Variants in TOGARAM2 observed in about 807,000 individuals in gnomAD.
The protein encoded by TOGARAM2 is TOG array regulator of axonemal microtubules protein 2.
Under a neutral mutation model 93.3 loss-of-function variants are expected in TOGARAM2, and 85 were observed. The ratio of observed to expected loss-of-function variants is 0.91; its 90% CI spans 0.76 to 1.09. TOGARAM2 has a LOEUF of 1.09. Among genes scored for constraint, TOGARAM2 ranks in the 50% least tolerant of loss-of-function variants. The pLI, the probability that TOGARAM2 is intolerant of heterozygous loss-of-function variation, is 0.00. For synonymous variants in TOGARAM2, 593 were observed against 552.8 expected (o/e 1.07, Z -1.02); for missense variants, 1,277 against 1,334.5 (o/e 0.96, Z 0.67).
At chr2:29,030,838 C>T (rs531081528) in intron 14 of TOGARAM2, among the ~76,000 whole-genome samples, 5 of 152,316 alleles carry the variant, frequency 3.3e-5, no homozygotes, top group South Asian at 4.2e-4. Context: ...GACCCTTCTT[C>T]GAGCATCAGT....
At chr2:28,992,744 T>C (rs1672796549) in intron 1 of TOGARAM2, among the ~76,000 whole-genome samples, 1 of 152,184 alleles carries the variant, frequency 6.6e-6, no homozygotes. Context: ...CAGTGATTTT[T>C]TGATCCTGTC....
chr2:29,005,192 T>C (rs542100682), intron 6 of TOGARAM2, among the ~76,000 whole-genome samples: 6 of 66,590 alleles, frequency 9.0e-5, no homozygotes, highest in Admixed American at 8.4e-4. Flanking sequence ...GTGTGCAGTG[T>C]GTGTGTGCAT....
intron 6 of TOGARAM2, among the ~76,000 whole-genome samples, chr2:29,004,450 G>A (rs1350033806): frequency 6.6e-6 from 1 of 152,204 alleles, no homozygotes. Context: ...CAAACAAGTG[G>A]GGAAGAGGAT....
At position 28,960,972 on chromosome 2, in the gene TOGARAM2, C is replaced by T. The variant is rs114792317; in HGVS notation, c.-147+4275C>T. Among the ~76,000 whole-genome samples, 490 of 152,272 alleles carry T rather than the reference C, an allele frequency of 3.2e-3. 6 individuals are homozygous for T. Among genetic ancestry groups the T allele is most frequent in the African/African-American group, 0.011 (440 of 41,548 alleles). ...AAAGGTGATGCTGTATACTTCATAC[C>T]GGAACACACCAAGAGGCAAGATAAT... On this transcript the variant is annotated intron_variant, in intron 1 of 6. Transcript: ENST00000401723.
At chr2:29,006,530 C>A (rs1663887735) in intron 6 of TOGARAM2, among the ~76,000 whole-genome samples, 1 of 152,024 alleles carries the variant, frequency 6.6e-6, no homozygotes, top group Non-Finnish European at 1.5e-5. Flanking sequence ...ATGGGCCTGG[C>A]TCCTTCAGTA....
intron 1 of TOGARAM2, among the ~76,000 whole-genome samples, chr2:28,969,619 T>C (rs1671916213): frequency 6.6e-6 from 1 of 152,152 alleles, no homozygotes; most frequent in African/African-American, 2.4e-5. Flanking sequence ...GAATCTAGAC[T>C]CCAGCTTCCT....
At chr2:29,002,966 G>A (rs946036728) in intron 5 of TOGARAM2, among the ~76,000 whole-genome samples, 3 of 152,186 alleles carry the variant, frequency 2.0e-5, no homozygotes, top group African/African-American at 7.2e-5. Flanking sequence ...CTGGCCTGGG[G>A]GCTCTGGGTG....
chr2:29,015,085 G>A lies in TOGARAM2; in HGVS notation c.1044+524G>A, dbSNP rs566100777. Among the ~76,000 whole-genome samples the A allele has an allele frequency of 2.0e-5, 3 of 152,334 alleles. No homozygotes were observed. The East Asian group carries it at 5.8e-4, about 29-fold the overall frequency. On this transcript the variant is annotated intron_variant, in intron 8 of 19. Transcript: ENST00000379558. ...GAACGAATTTAGTGAAGCTTGGGGA[G>A]TCACTGTAGTGAGGAGCCTGTGCTC...
intron 8 of TOGARAM2, 78 bp from the exon 9 acceptor site, chr2:29,017,076 T>C: frequency 6.5e-7 from 1 of 1,547,034 alleles, no homozygotes; most frequent in Non-Finnish European, 8.8e-7. Context: ...TGGCACACAG[T>C]AGAAACATTT....
At chr2:28,987,259 G>A (rs903032076) in intron 1 of TOGARAM2, among the ~76,000 whole-genome samples, 1 of 152,158 alleles carries the variant, frequency 6.6e-6, no homozygotes, top group African/African-American at 2.4e-5. Context: ...CTTCACTTAG[G>A]TTCTTCTCAA....
upstream of TOGARAM2, among the ~76,000 whole-genome samples, chr2:28,978,875 C>T (rs1285899759): frequency 6.6e-6 from 1 of 152,144 alleles, no homozygotes. Context: ...TGTTGACCCT[C>T]TTCCGAGGGT....
intron 1 of TOGARAM2, among the ~76,000 whole-genome samples, chr2:28,973,708 G>A (rs976385840): frequency 2.6e-5 from 4 of 151,910 alleles, no homozygotes; most frequent in Admixed American, 6.6e-5. Context: ...AAATGTTTTT[G>A]TAGAGCTCAG....
chr2:29,003,760 C>A, intron 6 of TOGARAM2, 78 bp downstream of exon 6: 1 of 1,272,390 alleles, frequency 7.9e-7, no homozygotes, highest in Non-Finnish European at 1.0e-6. Context: ...CTCCTTGTGG[C>A]TGACCCTCCA....
chr2:28,998,098 C>G, intron 2 of TOGARAM2, 45 bp from the exon 3 acceptor site: 2 of 1,380,962 alleles, frequency 1.4e-6, no homozygotes, highest in Non-Finnish European at 2.0e-6. Context: ...CAGTCTTGGC[C>G]TTGGAGGACT....
chr2:29,004,740 A>ATG (rs537741621), intron 6 of TOGARAM2, among the ~76,000 whole-genome samples: 1,512 of 53,380 alleles, frequency 0.028, 31 homozygotes, highest in African/African-American at 0.071. Flanking sequence ...GAGTGCATGC[A>ATG]TGTGTGTGTG....
intron 1 of TOGARAM2, among the ~76,000 whole-genome samples, chr2:28,993,152 G>T (rs769103486): frequency 2.6e-5 from 4 of 152,110 alleles, no homozygotes; most frequent in Non-Finnish European, 5.9e-5. Flanking sequence ...GAGGTGGGGC[G>T]TGGAAATCTG....
In TOGARAM2 at chr2:29,018,127, G is replaced by T. The variant is rs114572734; in HGVS notation, c.1360+171G>T. The stretch of plus-strand genomic sequence containing the variant: ...CTTGCCAGAGAGAGAAACAGTGTCA[G>T]GGACTCATCATTGTCTACAGGCTGG... On this transcript the variant is annotated intron_variant, in intron 10 of 19. Transcript: ENST00000379558. 2.9e-3 allele frequency: 2,013 copies of T among 705,734 alleles called. 33 individuals are homozygous for T. In the African/African-American group the frequency reaches 0.032, roughly 11 times the overall value. The allele number at this position is 705,734 out of a possible 1,614,324, so 43.7% of individuals were successfully genotyped here. A position where few individuals can be genotyped will look rare whatever the true frequency, so the allele number is the denominator to read the frequency against.
At position 29,003,657 on chromosome 2, in the gene TOGARAM2, A is replaced by G. The variant is rs750829083; in HGVS notation, c.805A>G (p.Thr269Ala). ...SPLPPGQGVL[T>A]GLRAPRTRLA... is the part of the protein sequence containing the mutation. The stretch of plus-strand genomic sequence containing the variant: ...GTTACCTCCAGGCCAGGGAGTCCTC[A>G]CAGGCCTGAGGGCCCCACGCACGCG... The change falls in exon 6 of 20, where the codon ACA (threonine) becomes GCA (alanine). Residue 269 changes from threonine (T) to alanine (A), a missense_variant. Physicochemically the swap from Thr to Ala is moderately conservative, Grantham distance 58 (BLOSUM62 0). Transcript: ENST00000379558. 2.5e-6 allele frequency: 4 copies of G among 1,576,760 alleles called. No individual in the cohort carries two copies. Among genetic ancestry groups the G allele is most frequent in the Non-Finnish European group, 3.4e-6 (4 of 1,163,294 alleles).
At chr2:29,005,213 ATGT>A (rs1673631922) in intron 6 of TOGARAM2, among the ~76,000 whole-genome samples, 1 of 105,104 alleles carries the variant, frequency 9.5e-6, no homozygotes, top group Non-Finnish European at 1.9e-5. Flanking sequence ...GTGTGTGGGT[ATGT>A]GTGCATGTGT....
Sources: gnomAD v4.1 joint callset for allele counts (sites outside exome capture counted in the v4.1 genomes callset) on GRCh38, gnomAD v4.1.1 for gene constraint, MANE v1.5 for transcripts, NCBI Gene and HGNC (gene_info 2026-07-23, HGNC 2026-07-21) for gene names.